Variants in RAPGEF2 observed in about 807,000 individuals in gnomAD.
RAPGEF2 encodes the protein Rap guanine nucleotide exchange factor 2.
RAPGEF2 carries 54 observed loss-of-function variants against 186.7 expected under a neutral mutation model. That is an observed-to-expected ratio of 0.29 (90% CI 0.23 to 0.36). The LOEUF is 0.36. Among genes scored for constraint, RAPGEF2 ranks in the 10% least tolerant of loss-of-function variants. The pLI is 1.00. For missense variants in RAPGEF2, 1,532 were observed against 2,045.0 expected (o/e 0.75, Z 4.84); for synonymous variants, 712 against 705.9 (o/e 1.01, Z -0.14).
At chr4:159,333,903 G>A (rs1296810311) in intron 17 of RAPGEF2, among the ~76,000 whole-genome samples, 3 of 152,092 alleles carry the variant, frequency 2.0e-5, no homozygotes, top group Admixed American at 6.6e-5. Flanking sequence ...AAAAAATTCC[G>A]TTTCAGATCT....
intron 9 of RAPGEF2, among the ~76,000 whole-genome samples, chr4:159,316,205 T>A (rs1365808202): frequency 2.0e-5 from 3 of 152,142 alleles, no homozygotes; most frequent in Non-Finnish European, 4.4e-5. Flanking sequence ...TCAGCTCCTA[T>A]CTCTGTATGG....
Position 159,330,355 on chromosome 4 carries a change from A to G in RAPGEF2, c.1324A>G (p.Met442Val), listed in dbSNP as rs1303616757. 4 of 1,589,192 alleles carry G rather than the reference A, an allele frequency of 2.5e-6. No individual in the cohort carries two copies. The highest frequency in any genetic ancestry group is 2.3e-5 in the South Asian group (2 of 86,382). Residue 442 changes from methionine to valine, a missense_variant, in exon 13 of 30, where the codon ATG becomes GTG. Physicochemically the swap from Met to Val is conservative, Grantham distance 21 (BLOSUM62 1). This residue lies in a region of RAPGEF2 where 810 missense variants were observed against 1,210.5 expected (regional missense o/e 0.67). Coordinates refer to ENST00000691494, the MANE Select transcript of RAPGEF2 (RefSeq NM_001394067.2). ...ACAGGGTACCTCAGAAAGGTTAACA[A>G]TGCATTTGGTGGAAGAGCATTCAGT... Reference protein sequence around the residue: ...VIKGTSERLTMHLVEEHSVVD... With the variant: ...VIKGTSERLTVHLVEEHSVVD...
chr4:159,353,648 A>G lies in RAPGEF2; in HGVS notation c.4253A>G (p.His1418Arg). Residue 1418 changes from histidine (H) to arginine (R), a missense_variant, in exon 28 of 30, where the codon CAT becomes CGT. By Grantham distance (29) the His-to-Arg change is conservative. This residue lies in a region of RAPGEF2 where 594 missense variants were observed against 608.5 expected (regional missense o/e 0.98). Coordinates refer to ENST00000691494, the MANE Select transcript of RAPGEF2 (RefSeq NM_001394067.2). The surrounding 1 kb of genome is among the most constrained non-coding windows in gnomAD (Gnocchi z 4.3). ...TGGACGTCATGCTCAAGTGGCTCCC[A>G]TGATAATATACAGACGATCCAGCAC... ...GSWTSCSSGSHDNIQTIQHQR... is the reference protein window; with the variant it reads ...GSWTSCSSGSRDNIQTIQHQR... 1.9e-6 allele frequency: 3 copies of G among 1,591,736 alleles called. No individual in the cohort carries two copies. Among genetic ancestry groups the G allele is most frequent in the Non-Finnish European group, 2.6e-6 (3 of 1,170,612 alleles).
intron 4 of RAPGEF2, among the ~76,000 whole-genome samples, chr4:159,212,814 C>G (rs1750655646): frequency 6.6e-6 from 1 of 152,170 alleles, no homozygotes; most frequent in Non-Finnish European, 1.5e-5. Flanking sequence ...GACTGAAACC[C>G]TAGAACAGTG....
chr4:159,127,081 C>T (rs895224360), intron 1 of RAPGEF2, among the ~76,000 whole-genome samples: 1 of 152,172 alleles, frequency 6.6e-6, no homozygotes, highest in East Asian at 1.9e-4. Context: ...GGCTGGAGTG[C>T]AGTGGTGCTA....
chr4:159,250,953 C>T lies in RAPGEF2; in HGVS notation c.543+7162C>T, dbSNP rs942625330. On this transcript the variant is annotated intron_variant, in intron 7 of 29. Coordinates refer to ENST00000691494, the MANE Select transcript of RAPGEF2 (RefSeq NM_001394067.2). Reference sequence around the variant, plus strand: ...TGCGCAGGTGGGAACCTGGGCTGTGCGCCACGCTCATGGGCCAGCACGAGT... The same window carrying T: ...TGCGCAGGTGGGAACCTGGGCTGTGTGCCACGCTCATGGGCCAGCACGAGT... Among the ~76,000 whole-genome samples, 6 of 152,154 alleles carry T rather than the reference C, an allele frequency of 3.9e-5. 1 individual carries two copies. The South Asian group carries it at 6.2e-4, about 16-fold the overall frequency.
chr4:159,354,290 A>G (rs893797038), intron 28 of RAPGEF2, among the ~76,000 whole-genome samples: 1 of 152,198 alleles, frequency 6.6e-6, no homozygotes, highest in Non-Finnish European at 1.5e-5. Context: ...CTTAGCTATC[A>G]GGATGAGTAG....
At chr4:159,267,740 T>C in intron 7 of RAPGEF2, 2 of 1,010,122 alleles carry the variant, frequency 2.0e-6, no homozygotes, top group Non-Finnish European at 2.4e-6. Context: ...TAATTCTGTG[T>C]TAAGCCTTTT....
intron 6 of RAPGEF2, among the ~76,000 whole-genome samples, chr4:159,243,262 A>G (rs1579578716): frequency 6.6e-6 from 1 of 152,008 alleles, no homozygotes; most frequent in African/African-American, 2.4e-5. Context: ...TATTAATTTT[A>G]CTAAATGAGT....
intron 1 of RAPGEF2, among the ~76,000 whole-genome samples, chr4:159,154,615 A>G (rs1743922834): frequency 6.6e-6 from 1 of 151,830 alleles, no homozygotes; most frequent in Admixed American, 6.6e-5. Context: ...ATTGATGTTT[A>G]GCTATGTTAT....
chr4:159,272,897 C>G (rs1253514099), intron 7 of RAPGEF2, among the ~76,000 whole-genome samples: 1 of 152,186 alleles, frequency 6.6e-6, no homozygotes, highest in African/African-American at 2.4e-5. Context: ...CTTCACCTCT[C>G]CTTCCTATCT....
intron 1 of RAPGEF2, among the ~76,000 whole-genome samples, chr4:159,167,598 TC>T (rs952745936): frequency 4.5e-4 from 68 of 152,210 alleles, no homozygotes; most frequent in Non-Finnish European, 8.8e-4. Context: ...TTTTTTTTCT[TC>T]TTGTGTGTCA....
At chr4:159,121,964 G>A (rs1311580216) in intron 1 of RAPGEF2, among the ~76,000 whole-genome samples, 1 of 147,908 alleles carries the variant, frequency 6.8e-6, no homozygotes, top group South Asian at 2.1e-4. Flanking sequence ...CGTAAAACCC[G>A]GGAGGCAGAG....
chr4:159,120,916 G>A (rs1739604358), intron 1 of RAPGEF2, among the ~76,000 whole-genome samples: 1 of 151,802 alleles, frequency 6.6e-6, no homozygotes, highest in African/African-American at 2.4e-5. Context: ...GTGCAGTGGC[G>A]CAATCTTGGC....
At chr4:159,228,022 C>T (rs997816825) in intron 4 of RAPGEF2, among the ~76,000 whole-genome samples, 13 of 152,042 alleles carry the variant, frequency 8.6e-5, no homozygotes, top group Non-Finnish European at 1.8e-4. Flanking sequence ...TACTTGCCCT[C>T]GACTTACAAG....
chr4:159,176,930 T>C (rs1219253753), intron 1 of RAPGEF2, among the ~76,000 whole-genome samples: 1 of 152,164 alleles, frequency 6.6e-6, no homozygotes, highest in African/African-American at 2.4e-5. Context: ...AGGAAAATAC[T>C]TACAGTTTGT....
At position 159,341,736 on chromosome 4, in the gene RAPGEF2, A is replaced by G. The variant is rs1364824983; in HGVS notation, c.2707A>G (p.Ile903Val). 7 of 1,614,046 alleles carry G rather than the reference A, an allele frequency of 4.3e-6. No individual in the cohort carries two copies. The highest frequency in any genetic ancestry group is 3.4e-6 in the Non-Finnish European group (4 of 1,179,914). The change falls in exon 20 of 30, where the codon ATA becomes GTA. Residue 903 changes from isoleucine to valine, a missense_variant. By Grantham distance (29) the Ile-to-Val change is conservative. Around this residue, in one of 4 missense-constraint regions of RAPGEF2, gnomAD observed 810 missense variants for 1,210.5 expected, o/e 0.67. Transcript: ENST00000691494. ...TCGCAACATTGAACCTACTGAATAT[A>G]TAGATGATTTATTTAAACTCAGATC... is the stretch of plus-strand genomic sequence containing the variant. ...LFRNIEPTEYIDDLFKLRSKT... is the reference protein window; with the variant it reads ...LFRNIEPTEYVDDLFKLRSKT...
At chr4:159,250,479 A>AAAT (rs928205441) in intron 7 of RAPGEF2, among the ~76,000 whole-genome samples, 3 of 152,120 alleles carry the variant, frequency 2.0e-5, no homozygotes, top group African/African-American at 7.2e-5. Context: ...TTACAAAGGG[A>AAAT]AATATTTGAG....
chr4:159,278,611 G>T (rs969748889), intron 7 of RAPGEF2, among the ~76,000 whole-genome samples: 3 of 152,174 alleles, frequency 2.0e-5, no homozygotes, highest in African/African-American at 4.8e-5. Flanking sequence ...CTGGCCAGTT[G>T]TGACCTTTGT....
Sources: allele counts gnomAD v4.1 joint callset (sites outside exome capture counted in the v4.1 genomes callset), GRCh38; gene constraint gnomAD v4.1.1; regional missense constraint gnomAD v4.1.1; non-coding constraint Gnocchi (gnomAD v3.1); transcripts MANE v1.5; gene names NCBI Gene and HGNC (gene_info 2026-07-23, HGNC 2026-07-21).